DLG2: variants seen among roughly 807,000 people sequenced by gnomAD.
DLG2 encodes disks large homolog 2.
Under a neutral mutation model 132.5 loss-of-function variants are expected in DLG2, and 45 were observed. The ratio of observed to expected loss-of-function variants is 0.34; its 90% confidence interval spans 0.27 to 0.44. The LOEUF is 0.44. Ranked by LOEUF, DLG2 falls within the 20% of genes least tolerant of loss-of-function variation. DLG2 has a pLI of 1.00. For synonymous variants in DLG2, 424 were observed against 419.6 expected (o/e 1.01, Z -0.13); for missense variants, 1,045 against 1,196.9 (o/e 0.87, Z 1.87).
At chr11:85,189,525 A>G (rs2080370889) in intron 4 of DLG2, among the ~76,000 whole-genome samples, 1 of 152,252 alleles carries the variant, frequency 6.6e-6, no homozygotes, top group Non-Finnish European at 1.5e-5. Context: ...TTCCATTTAC[A>G]TATTTTTCAA....
intron 6 of DLG2, among the ~76,000 whole-genome samples, chr11:84,991,460 G>C (rs184982155): frequency 2.4e-4 from 32 of 133,726 alleles, no homozygotes; most frequent in Admixed American, 7.7e-4. Context: ...AGTGAGCCAT[G>C]ATCACACCAC....
chr11:84,747,745 A>T (rs2065566894), intron 6 of DLG2, among the ~76,000 whole-genome samples: 1 of 152,158 alleles, frequency 6.6e-6, no homozygotes, highest in Admixed American at 6.6e-5. Context: ...TTTATGGTAC[A>T]TACTTCTTAT....
intron 3 of DLG2, among the ~76,000 whole-genome samples, chr11:85,397,911 C>T (rs2087577073): frequency 6.6e-6 from 1 of 152,156 alleles, no homozygotes; most frequent in Non-Finnish European, 1.5e-5. Flanking sequence ...TTGAACACAG[C>T]TCTGGACCAA....
At chr11:84,106,813 CTGTGTGTGTGTGTG>C (rs71066090) in intron 9 of DLG2, among the ~76,000 whole-genome samples, 1 of 132,824 alleles carries the variant, frequency 7.5e-6, no homozygotes, top group Non-Finnish European at 1.7e-5. Flanking sequence ...AGATTATTAT[CTGTGTGTGTGTGTG>C]TGTGTGTGTG....
intron 18 of DLG2, among the ~76,000 whole-genome samples, chr11:83,702,959 A>G (rs953906410): frequency 1.3e-5 from 2 of 152,230 alleles, no homozygotes; most frequent in African/African-American, 4.8e-5. Context: ...TCCGAAAAGC[A>G]CTGTAAATGA....
At chr11:85,457,526 A>C (rs286515) in intron 3 of DLG2, among the ~76,000 whole-genome samples, 122,500 of 152,138 alleles carry the variant, frequency 0.81, 49,747 homozygotes, top group Middle Eastern at 0.89. Flanking sequence ...TTGTTGCTTT[A>C]TAGTGTCACT....
chr11:85,103,387 C>G (rs2071195476), intron 6 of DLG2, among the ~76,000 whole-genome samples: 2 of 151,912 alleles, frequency 1.3e-5, no homozygotes, highest in South Asian at 4.1e-4. Flanking sequence ...GACAGTGTGG[C>G]ACTGGCAAAA....
chr11:85,099,769 C>T (rs138475448), intron 6 of DLG2, among the ~76,000 whole-genome samples: 3 of 152,220 alleles, frequency 2.0e-5, no homozygotes, highest in South Asian at 2.1e-4. Context: ...GTGTTTGTTC[C>T]GCAGTGGTCT....
At chr11:84,665,606 C>G (rs2099699013) in intron 6 of DLG2, among the ~76,000 whole-genome samples, 1 of 152,150 alleles carries the variant, frequency 6.6e-6, no homozygotes, top group African/African-American at 2.4e-5. Context: ...AGTCTAATTG[C>G]TTCTCATTCA....
rs1311293231 is a variant in DLG2, at chr11:85,169,485, G to A, written c.187-14834C>T. 2.0e-5 allele frequency among the ~76,000 whole-genome samples: 3 copies of A among 152,142 alleles called. No homozygotes were observed. The East Asian group carries it at 5.8e-4, about 29-fold the overall frequency. On this transcript the variant is annotated intron_variant, in intron 4 of 27. Coordinates refer to ENST00000376104, the MANE Select transcript of DLG2 (RefSeq NM_001142699.3). ...CACAAAAAAGGATGAGATGGCTAAT[G>A]CTTAAATAGCACCCTCTTCATAGAG...
intron 6 of DLG2, among the ~76,000 whole-genome samples, chr11:84,713,874 G>A (rs755294767): frequency 2.6e-4 from 39 of 151,892 alleles, no homozygotes; most frequent in Admixed American, 5.9e-4. Flanking sequence ...GAAAATTTAA[G>A]GGGAAAAAAG....
intron 18 of DLG2, among the ~76,000 whole-genome samples, chr11:83,764,787 G>T (rs1566876417): frequency 6.6e-6 from 1 of 152,126 alleles, no homozygotes; most frequent in Non-Finnish European, 1.5e-5. Flanking sequence ...TCATTTCAGT[G>T]CATCTTTCTT....
At chr11:84,839,625 G>C (rs1282531211) in intron 6 of DLG2, among the ~76,000 whole-genome samples, 3 of 152,038 alleles carry the variant, frequency 2.0e-5, no homozygotes, top group African/African-American at 4.8e-5. Flanking sequence ...AACATAGCAT[G>C]GTACTAGTAC....
At chr11:84,046,567 G>C (rs1248363157) in intron 11 of DLG2, among the ~76,000 whole-genome samples, 1 of 151,416 alleles carries the variant, frequency 6.6e-6, no homozygotes, top group African/African-American at 2.4e-5. Flanking sequence ...CATTCACCAC[G>C]ATAAGGCACT....
chr11:85,611,272 G>C (rs1281773262), intron 2 of DLG2, among the ~76,000 whole-genome samples: 1 of 152,170 alleles, frequency 6.6e-6, no homozygotes, highest in Non-Finnish European at 1.5e-5. Context: ...TCACTGTCTG[G>C]ACTACTCATG....
intron 4 of DLG2, among the ~76,000 whole-genome samples, chr11:85,276,662 A>G (rs988751424): frequency 6.6e-6 from 1 of 152,186 alleles, no homozygotes; most frequent in African/African-American, 2.4e-5. Flanking sequence ...AGGACTAAGC[A>G]TCTTTTCACT....
intron 18 of DLG2, among the ~76,000 whole-genome samples, chr11:83,740,275 G>A (rs1321453148): frequency 1.3e-5 from 2 of 151,998 alleles, no homozygotes; most frequent in African/African-American, 2.4e-5. Flanking sequence ...ACAATAGAAC[G>A]GATATGTGAA....
intron 6 of DLG2, among the ~76,000 whole-genome samples, chr11:84,677,091 T>C (rs1238161479): frequency 1.3e-5 from 2 of 152,016 alleles, no homozygotes; most frequent in African/African-American, 2.4e-5. Flanking sequence ...GATATGTGAA[T>C]AATTTGACAA....
intron 6 of DLG2, among the ~76,000 whole-genome samples, chr11:84,879,694 G>A (rs2154053077): frequency 6.6e-6 from 1 of 152,256 alleles, no homozygotes; most frequent in East Asian, 1.9e-4. Context: ...ATCATTATCT[G>A]TTGGTGATAC....
Sources: gnomAD v4.1 joint callset for allele counts (sites outside exome capture counted in the v4.1 genomes callset) on GRCh38, gnomAD v4.1.1 for gene constraint, MANE v1.5 for transcripts, NCBI Gene and HGNC (gene_info 2026-07-23, HGNC 2026-07-21) for gene names.